TTC34: variants seen among roughly 807,000 people sequenced by gnomAD.
The protein encoded by TTC34 is tetratricopeptide repeat protein 34.
Under a neutral mutation model 40.7 loss-of-function variants are expected in TTC34, and 44 were observed. That is an observed-to-expected ratio of 1.08 (90% CI 0.85 to 1.39). The LOEUF is 1.39. TTC34 is among the 40% of genes most tolerant of loss of function. TTC34 has a pLI of 0.00. For synonymous variants in TTC34, 422 were observed against 398.6 expected (o/e 1.06, Z -0.70); for missense variants, 884 against 838.0 (o/e 1.05, Z -0.68).
At chr1:2,785,671 G>T in intron 5 of TTC34, 148 bp downstream of exon 5, 1 of 834,982 alleles carries the variant, frequency 1.2e-6, no homozygotes. Flanking sequence ...TCAGCGAGTG[G>T]CCCTTGCCCT....
At chr1:2,684,878 C>A (rs1246558490) in intron 6 of TTC34, among the ~76,000 whole-genome samples, 1 of 130,364 alleles carries the variant, frequency 7.7e-6, no homozygotes, top group Non-Finnish European at 1.6e-5. Flanking sequence ...GCACCCACAC[C>A]CCAGGTGAGC....
intron 6 of TTC34, among the ~76,000 whole-genome samples, chr1:2,677,930 C>T (rs1204208741): frequency 3.0e-5 from 1 of 32,820 alleles, no homozygotes; most frequent in Admixed American, 3.5e-4. Flanking sequence ...CAGCACCCTG[C>T]ACCCCCAGGT....
rs952889523 is a variant in TTC34 at position 2,796,241 on chromosome 1, A to C, written c.784+3803T>G. ...CGTGGCATTCTGTCACAGCAGCACA[A>C]ATGGAGCGACTGGTTTGTGCAATGT... On this transcript the variant is annotated intron_variant, in intron 2 of 8. Coordinates refer to ENST00000401095, the Ensembl canonical transcript of TTC34. The surrounding 1 kb of genome is among the most constrained non-coding windows in gnomAD (Gnocchi z 4.5). Among the ~76,000 whole-genome samples, 30 of 152,162 alleles carry C rather than the reference A, an allele frequency of 2.0e-4. No individual in the cohort carries two copies. Among genetic ancestry groups the C allele is most frequent in the African/African-American group, 7.2e-4 (30 of 41,436 alleles).
intron 6 of TTC34, among the ~76,000 whole-genome samples, chr1:2,748,588 G>C (rs1417595936): frequency 3.2e-5 from 1 of 31,134 alleles, no homozygotes; most frequent in African/African-American, 9.4e-5. Context: ...ACAGCCTGGA[G>C]CAGCACCCAC....
intron 6 of TTC34, chr1:2,775,391 C>G (rs1393655895): frequency 6.7e-6 from 1 of 148,566 alleles, no homozygotes; most frequent in African/African-American, 2.6e-5. Context: ...GCACCCTGCA[C>G]CCCCAGTTGA....
rs1011846788 is a variant in TTC34 at position 2,787,531 on chromosome 1, G to A, written c.1804C>T (p.Arg602Ter). The A allele has an allele frequency of 5.8e-5, 89 of 1,531,664 alleles. No homozygotes were observed. The highest frequency in any genetic ancestry group is 8.2e-5 in the Admixed American group (4 of 49,010). The allele number at this position is 1,531,664 out of a possible 1,614,324, so 94.9% of individuals were successfully genotyped here. Residue 602 changes from arginine to a stop codon, truncating the protein, a stop_gained, in exon 4 of 9, where the codon CGA becomes TGA. Transcript: ENST00000401095. LOFTEE classifies it high-confidence loss of function. ...CTCCTCAGCTGCAGCAGGGCCAGTCGTGCCAGCACAGGGGCTGCCTGGGGC... is the reference window on the plus strand; with the variant it reads ...CTCCTCAGCTGCAGCAGGGCCAGTCATGCCAGCACAGGGGCTGCCTGGGGC...
At chr1:2,752,416 G>C (rs1476990459) in intron 6 of TTC34, among the ~76,000 whole-genome samples, 234 of 134,964 alleles carry the variant, frequency 1.7e-3, no homozygotes, top group Middle Eastern at 4.1e-3. Context: ...CACACACCCA[G>C]GTGAGCATCT....
chr1:2,795,802 C>T (rs959320594), intron 2 of TTC34, among the ~76,000 whole-genome samples: 1 of 152,170 alleles, frequency 6.6e-6, no homozygotes, highest in Admixed American at 6.5e-5. Context: ...TAGCAGCTAC[C>T]TTGAGGGAAA....
At chr1:2,699,535 C>A (rs1569654296) in intron 6 of TTC34, among the ~76,000 whole-genome samples, 1 of 146,500 alleles carries the variant, frequency 6.8e-6, no homozygotes, top group Non-Finnish European at 1.5e-5. Flanking sequence ...CACCCACATC[C>A]CCAGGTGAGC....
At chr1:2,756,951 A>G in intron 6 of TTC34, among the ~76,000 whole-genome samples, 1 of 152,198 alleles carries the variant, frequency 6.6e-6, no homozygotes, top group Non-Finnish European at 1.5e-5. Flanking sequence ...CCACACCCCC[A>G]GGTGAGCATC....
intron 6 of TTC34, among the ~76,000 whole-genome samples, chr1:2,771,793 A>AG (rs1642221356): frequency 8.7e-6 from 1 of 115,422 alleles, no homozygotes; most frequent in Admixed American, 7.9e-5. Context: ...AGCCTGGAGC[A>AG]GCACCCACAC....
chr1:2,691,562 A>C (rs1275019625), intron 6 of TTC34, among the ~76,000 whole-genome samples: 1 of 132,396 alleles, frequency 7.6e-6, no homozygotes, highest in African/African-American at 2.6e-5. Context: ...AGCATCTGAC[A>C]GACTGGAACA....
At chr1:2,757,717 G>A (rs1343429215) in intron 6 of TTC34, among the ~76,000 whole-genome samples, 2 of 146,938 alleles carry the variant, frequency 1.4e-5, no homozygotes, top group African/African-American at 5.1e-5. Flanking sequence ...CACACCCACA[G>A]GTGAGCATCT....
intron 6 of TTC34, among the ~76,000 whole-genome samples, chr1:2,767,888 C>T (rs555004596): frequency 1.3e-5 from 2 of 150,346 alleles, no homozygotes; most frequent in South Asian, 2.2e-4. Flanking sequence ...CACCCTCCAC[C>T]ACCAGATGAG....
chr1:2,694,362 A>C, intron 6 of TTC34, among the ~76,000 whole-genome samples: 1 of 131,886 alleles, frequency 7.6e-6, no homozygotes, highest in Non-Finnish European at 1.6e-5. Context: ...CCAGACGAGC[A>C]TCGGACAGCC....
chr1:2,686,815 ATCTG>A, intron 6 of TTC34, among the ~76,000 whole-genome samples: 1 of 136,646 alleles, frequency 7.3e-6, no homozygotes, highest in East Asian at 2.3e-4. Context: ...CCAGGCGAGC[ATCTG>A]ACAGCCTGGA....
chr1:2,750,700 T>C (rs1641290154), intron 6 of TTC34, among the ~76,000 whole-genome samples: 7 of 125,820 alleles, frequency 5.6e-5, no homozygotes, highest in African/African-American at 9.4e-5. Context: ...CAAGTGAGCA[T>C]CCGACAGCCT....
exon 9 of TTC34, chr1:2,638,412 T>C (rs1162484286): frequency 6.6e-6 from 1 of 152,238 alleles, no homozygotes; most frequent in African/African-American, 2.4e-5. Flanking sequence ...ACCAGTTTAC[T>C]TGGTTGAATG....
chr1:2,748,688 T>A (rs1464218659), intron 6 of TTC34, among the ~76,000 whole-genome samples: 2 of 32,644 alleles, frequency 6.1e-5, no homozygotes, highest in Admixed American at 6.9e-4. Context: ...CACCCCCAGG[T>A]GAGCATCTGA....
Sources: gnomAD v4.1 joint callset for allele counts (sites outside exome capture counted in the v4.1 genomes callset) on GRCh38, gnomAD v4.1.1 for gene constraint, Gnocchi (gnomAD v3.1) non-coding constraint, MANE v1.5 for transcripts, NCBI Gene and HGNC (gene_info 2026-07-23, HGNC 2026-07-21) for gene names.